TNKS: variants seen among roughly 807,000 people sequenced by gnomAD.
TNKS encodes the protein poly [ADP-ribose] polymerase tankyrase-1.
Under a neutral mutation model 135.8 loss-of-function variants are expected in TNKS, and 72 were observed. The ratio of observed to expected loss-of-function variants is 0.53; its 90% confidence interval spans 0.44 to 0.64. The LOEUF (loss-of-function observed/expected upper bound fraction) is 0.64. Among genes scored for constraint, TNKS ranks in the 30% least tolerant of loss-of-function variants. The pLI, the probability that TNKS is intolerant of heterozygous loss-of-function variation, is 0.00. For missense variants in TNKS, 1,769 were observed against 1,674.0 expected, an observed-to-expected ratio of 1.06 and a Z score of -0.99; for synonymous variants, 849 against 649.3, an observed-to-expected ratio of 1.31 and a Z score of -4.68.
At chr8:9,734,460 G>A (rs1358987394) in intron 15 of TNKS, among the ~76,000 whole-genome samples, 3 of 104,660 alleles carry the variant, frequency 2.9e-5, no homozygotes, top group Admixed American at 9.3e-5. Context: ...TTTTTTACCA[G>A]TGTGTCTTAC....
At chr8:9,675,471 A>C (rs1802494770) in intron 3 of TNKS, among the ~76,000 whole-genome samples, 1 of 152,212 alleles carries the variant, frequency 6.6e-6, no homozygotes, top group Non-Finnish European at 1.5e-5. Context: ...AAATTAAGGT[A>C]TGCTATGGAA....
intron 3 of TNKS, among the ~76,000 whole-genome samples, chr8:9,677,919 AGGATTACTTGTCCTTCCT>A (rs1370855626): frequency 1.3e-5 from 2 of 151,996 alleles, no homozygotes; most frequent in Non-Finnish European, 2.9e-5. Context: ...GCTTCACCTG[AGGATTACTTGTCCTTCCT>A]TCAAAACTGC....
chr8:9,733,933 T>G (rs907025679), intron 15 of TNKS, among the ~76,000 whole-genome samples: 2 of 152,094 alleles, frequency 1.3e-5, no homozygotes, highest in African/African-American at 4.8e-5. Flanking sequence ...TAGATACATG[T>G]AAAAGAGTGA....
chr8:9,694,100 G>T (rs1157211133), intron 5 of TNKS, among the ~76,000 whole-genome samples: 2 of 152,152 alleles, frequency 1.3e-5, no homozygotes, highest in Admixed American at 6.5e-5. Context: ...CTTCACAGTT[G>T]TGATTTTATT....
intron 17 of TNKS, among the ~76,000 whole-genome samples, chr8:9,743,755 A>G (rs1226516674): frequency 6.6e-6 from 1 of 152,212 alleles, no homozygotes; most frequent in Admixed American, 6.5e-5. Flanking sequence ...CTATAGATGT[A>G]TAGATATTAA....
intron 11 of TNKS, among the ~76,000 whole-genome samples, chr8:9,712,212 A>C (rs968536784): frequency 6.6e-6 from 1 of 152,220 alleles, no homozygotes; most frequent in Admixed American, 6.5e-5. Flanking sequence ...AGTGGCCCGT[A>C]ATCACTCCTG....
At chr8:9,586,010 G>A (rs1163298401) in intron 2 of TNKS, among the ~76,000 whole-genome samples, 4 of 152,054 alleles carry the variant, frequency 2.6e-5, no homozygotes, top group Non-Finnish European at 5.9e-5. Flanking sequence ...GTTGTTAAGA[G>A]GATTAAATGA....
Position 9,755,208 on chromosome 8 carries a change from C to T in TNKS, c.3153+2582C>T, listed in dbSNP as rs1001908167. On this transcript the variant is annotated intron_variant, in intron 20 of 26. Transcript: ENST00000310430. ...ATTGTCAGTAACTGACTTCCTGTGGCGTATTTATCACATTTTATTGATTTG... is the reference window on the plus strand; with the variant it reads ...ATTGTCAGTAACTGACTTCCTGTGGTGTATTTATCACATTTTATTGATTTG... Among the ~76,000 whole-genome samples the T allele has an allele frequency of 3.5e-4, 53 of 152,238 alleles. 1 individual carries two copies. The highest frequency in any genetic ancestry group is 1.1e-3 in the African/African-American group (46 of 41,544).
At chr8:9,723,046 T>C (rs1341099844) in intron 12 of TNKS, among the ~76,000 whole-genome samples, 2 of 147,602 alleles carry the variant, frequency 1.4e-5, no homozygotes, top group Non-Finnish European at 3.0e-5. Flanking sequence ...ATATAGGTAA[T>C]TAAATGCTTA....
intron 3 of TNKS, among the ~76,000 whole-genome samples, chr8:9,635,403 C>G (rs1037438900): frequency 1.3e-5 from 2 of 152,148 alleles, no homozygotes; most frequent in East Asian, 3.9e-4. Context: ...AGAATGCCTA[C>G]TAATCAATGT....
At chr8:9,715,329 AAGT>A (rs1398230577) in intron 11 of TNKS, among the ~76,000 whole-genome samples, 1 of 149,430 alleles carries the variant, frequency 6.7e-6, no homozygotes, top group Non-Finnish European at 1.5e-5. Context: ...GGTTCAAGGA[AAGT>A]AGCAAGGAAA....
At chr8:9,561,427 A>AT (rs1278371618) in intron 1 of TNKS, among the ~76,000 whole-genome samples, 4 of 152,196 alleles carry the variant, frequency 2.6e-5, no homozygotes, top group Non-Finnish European at 5.9e-5. Flanking sequence ...CCACTATAGA[A>AT]TAAGAGTTGC....
chr8:9,588,219 C>G (rs1798460249), intron 2 of TNKS, among the ~76,000 whole-genome samples: 1 of 151,928 alleles, frequency 6.6e-6, no homozygotes, highest in African/African-American at 2.4e-5. Flanking sequence ...TCTTTGTAAT[C>G]TTTGTAATCA....
intron 14 of TNKS, among the ~76,000 whole-genome samples, chr8:9,732,935 T>C (rs1245213961): frequency 1.3e-5 from 2 of 152,224 alleles, no homozygotes; most frequent in Admixed American, 6.5e-5. Context: ...CACAACTTTT[T>C]ACCAAGGTAG....
At chr8:9,751,961 T>G in intron 19 of TNKS, 115 bp downstream of exon 19, 1 of 880,266 alleles carries the variant, frequency 1.1e-6, no homozygotes, top group East Asian at 2.4e-5. Context: ...GTCTGTAAAT[T>G]TTCATACACA....
At position 9,590,323 on chromosome 8, in the gene TNKS, C is replaced by G. The variant is rs191616116; in HGVS notation, c.898+9940C>G. Among the ~76,000 whole-genome samples, 8 of 152,228 alleles carry G rather than the reference C, an allele frequency of 5.3e-5. No homozygotes were observed. The East Asian group carries it at 1.5e-3, about 29-fold the overall frequency. On this transcript the variant is annotated intron_variant, in intron 2 of 26. Transcript: ENST00000310430. ...TTGTTCTGCCTGCGGTACTCTTTCC[C>G]CAGATTTTTCACTAATAATGTTAAT...
chr8:9,710,053 A>G lies in TNKS; in HGVS notation c.1670+7A>G, dbSNP rs200752239. ...TTAATGAAAAAAATAAAGAGTAAGTATAATTGCAGAAGGAGTTGTTCAGTT... is the reference window on the plus strand; with the variant it reads ...TTAATGAAAAAAATAAAGAGTAAGTGTAATTGCAGAAGGAGTTGTTCAGTT... On this transcript the variant is annotated splice_region_variant and intron_variant, in intron 10 of 26. Coordinates refer to ENST00000310430, the MANE Select transcript of TNKS (RefSeq NM_003747.3). The G allele has an allele frequency of 1.8e-4, 291 of 1,612,328 alleles. No individual in the cohort carries two copies. Among genetic ancestry groups the G allele is most frequent in the Middle Eastern group, 1.6e-4 (1 of 6,078 alleles).
chr8:9,645,605 A>G (rs1264295985), intron 3 of TNKS, among the ~76,000 whole-genome samples: 1 of 152,120 alleles, frequency 6.6e-6, no homozygotes, highest in Non-Finnish European at 1.5e-5. Context: ...CTGGGGGACT[A>G]TGAGGCACAT....
Position 9,661,897 on chromosome 8 carries a change from C to G in TNKS, c.995-18054C>G, listed in dbSNP as rs527746649. On this transcript the variant is annotated intron_variant, in intron 3 of 26. Transcript: ENST00000310430. ...CTCAAACAAATGTACAAGAAAAAAA[C>G]AAACAACCCCATCACAAAGTGGGCA... Among the ~76,000 whole-genome samples, 966 of 152,236 alleles carry G rather than the reference C, an allele frequency of 6.3e-3. 4 individuals are homozygous for G. The highest frequency in any genetic ancestry group is 0.011 in the Non-Finnish European group (736 of 67,996).
Sources: gnomAD v4.1 joint callset for allele counts (sites outside exome capture counted in the v4.1 genomes callset) on GRCh38, gnomAD v4.1.1 for gene constraint, MANE v1.5 for transcripts, NCBI Gene and HGNC (gene_info 2026-07-23, HGNC 2026-07-21) for gene names.